The following LRFN5 variants were observed in gnomAD, a reference collection of about 807,000 sequenced individuals.
LRFN5 encodes leucine rich repeat and fibronectin type III domain containing 5, also known as leucine-rich repeat and fibronectin type-III domain-containing protein 5.
LRFN5 carries 24 observed loss-of-function variants against 45.6 expected under a neutral mutation model. That is an observed-to-expected ratio of 0.53 (90% CI 0.38 to 0.74). The LOEUF (loss-of-function observed/expected upper bound fraction) is 0.74. Ranked by LOEUF, LRFN5 falls within the 30% of genes least tolerant of loss-of-function variation. The pLI is 0.00. For missense variants in LRFN5, 776 were observed against 861.5 expected (o/e 0.90, Z 1.24); for synonymous variants, 340 against 313.8 (o/e 1.08, Z -0.88).
intron 1 of LRFN5, among the ~76,000 whole-genome samples, chr14:41,642,689 C>A (rs1879633464): frequency 6.6e-6 from 1 of 152,132 alleles, no homozygotes; most frequent in Non-Finnish European, 1.5e-5. Flanking sequence ...ATGAAGACTG[C>A]CAGCATGGAT....
intron 2 of LRFN5, among the ~76,000 whole-genome samples, chr14:41,883,967 T>G (rs1890477530): frequency 6.6e-6 from 1 of 152,180 alleles, no homozygotes; most frequent in African/African-American, 2.4e-5. Context: ...TCCCTTTCCT[T>G]TCATCCCTTT....
chr14:41,757,810 C>A (rs1885475530), intron 1 of LRFN5, among the ~76,000 whole-genome samples: 1 of 152,136 alleles, frequency 6.6e-6, no homozygotes, highest in Non-Finnish European at 1.5e-5. Context: ...CCCGGTACCT[C>A]AGTTGGAAAT....
chr14:41,752,357 T>C (rs1321940952), intron 1 of LRFN5, among the ~76,000 whole-genome samples: 1 of 152,184 alleles, frequency 6.6e-6, no homozygotes, highest in Non-Finnish European at 1.5e-5. Context: ...TCCACAATGG[T>C]TGAACTAGTT....
chr14:41,897,229 A>G (rs1368458518), intron 4 of LRFN5, among the ~76,000 whole-genome samples: 1 of 151,954 alleles, frequency 6.6e-6, no homozygotes, highest in East Asian at 1.9e-4. Flanking sequence ...ACAATTTATA[A>G]CCAGGAGTAT....
chr14:41,723,775 G>T (rs1883820690), intron 1 of LRFN5, among the ~76,000 whole-genome samples: 1 of 152,150 alleles, frequency 6.6e-6, no homozygotes. Flanking sequence ...AGTTCTGAGT[G>T]TGAAGGCCCC....
intron 2 of LRFN5, among the ~76,000 whole-genome samples, chr14:41,817,908 G>A (rs1330218982): frequency 6.6e-6 from 1 of 152,000 alleles, no homozygotes; most frequent in Admixed American, 6.6e-5. Context: ...TCTGAGGTTT[G>A]TGGGCTTGGT....
intron 2 of LRFN5, among the ~76,000 whole-genome samples, chr14:41,807,324 G>A (rs1422755271): frequency 6.6e-6 from 1 of 151,998 alleles, no homozygotes. Flanking sequence ...TTGAATAGGG[G>A]ACACATTAAA....
chr14:41,861,852 A>G (rs530328787), intron 2 of LRFN5, among the ~76,000 whole-genome samples: 14 of 152,316 alleles, frequency 9.2e-5, no homozygotes, highest in Admixed American at 5.2e-4. Context: ...CAGCCTAGAC[A>G]TTCCCCTCAT....
Position 41,891,365 on chromosome 14 carries a change from A to T in LRFN5, c.1501A>T (p.Arg501Ter). 1.9e-6 allele frequency: 3 copies of T among 1,614,088 alleles called. No individual in the cohort carries two copies. Among genetic ancestry groups the T allele is most frequent in the Non-Finnish European group, 2.5e-6 (3 of 1,180,014 alleles). The change falls in exon 4 of 6, where the codon AGA becomes TGA. Residue 501 changes from arginine to a stop codon, truncating the protein, a stop_gained. Coordinates refer to ENST00000298119, the MANE Select transcript of LRFN5 (RefSeq NM_152447.5). LOFTEE classifies it high-confidence loss of function. ...TGGCATCACTTCCCTCACTGCCACAAGAGTCGTGGGTTGCATCCAGTTTAC... is the reference window on the plus strand; with the variant it reads ...TGGCATCACTTCCCTCACTGCCACATGAGTCGTGGGTTGCATCCAGTTTAC... ...DDGITSLTATRVVGCIQFTTE... is the reference protein window; with the variant it reads ...DDGITSLTAT
intron 2 of LRFN5, among the ~76,000 whole-genome samples, chr14:41,863,946 T>C (rs1473862804): frequency 1.3e-5 from 2 of 152,124 alleles, no homozygotes; most frequent in African/African-American, 4.8e-5. Context: ...TGGCTTTCTG[T>C]TCCTGTGTTA....
chr14:41,855,531 A>G (rs1889421481), intron 2 of LRFN5, among the ~76,000 whole-genome samples: 1 of 152,134 alleles, frequency 6.6e-6, no homozygotes, highest in South Asian at 2.1e-4. Flanking sequence ...ATACAGTTGG[A>G]CAAGAATGTC....
At chr14:41,708,238 C>CATTTAAAA (rs1246012971) in intron 1 of LRFN5, among the ~76,000 whole-genome samples, 7 of 151,896 alleles carry the variant, frequency 4.6e-5, no homozygotes, top group African/African-American at 1.7e-4. Context: ...TTTAAACATA[C>CATTTAAAA]ATTTAAAATA....
At chr14:41,645,988 T>A (rs1879797521) in intron 1 of LRFN5, among the ~76,000 whole-genome samples, 1 of 152,188 alleles carries the variant, frequency 6.6e-6, no homozygotes, top group Non-Finnish European at 1.5e-5. Flanking sequence ...TTTTATTTCA[T>A]GTTTTAGTTG....
chr14:41,765,625 G>T (rs553568926), intron 1 of LRFN5, among the ~76,000 whole-genome samples: 1 of 152,144 alleles, frequency 6.6e-6, no homozygotes, highest in South Asian at 2.1e-4. Context: ...AACAATTGCT[G>T]TATCAACATG....
chr14:41,782,087 G>T (rs1357110672), intron 2 of LRFN5, among the ~76,000 whole-genome samples: 1 of 151,680 alleles, frequency 6.6e-6, no homozygotes, highest in East Asian at 1.9e-4. Flanking sequence ...AAAATTATTG[G>T]TTATTATTAT....
chr14:41,614,806 T>C (rs756391383), intron 1 of LRFN5, among the ~76,000 whole-genome samples: 14 of 152,094 alleles, frequency 9.2e-5, no homozygotes, highest in South Asian at 2.1e-4. Flanking sequence ...ATATAGTTCA[T>C]TAGGCACCTG....
chr14:41,667,833 TC>T (rs1880975511), intron 1 of LRFN5, among the ~76,000 whole-genome samples: 2 of 152,100 alleles, frequency 1.3e-5, no homozygotes, highest in Admixed American at 1.3e-4. Flanking sequence ...GAGCATGGCT[TC>T]TGACAGTTTA....
intron 2 of LRFN5, among the ~76,000 whole-genome samples, chr14:41,811,078 A>G (rs765381840): frequency 1.3e-5 from 2 of 152,162 alleles, no homozygotes; most frequent in African/African-American, 2.4e-5. Flanking sequence ...AATAATAAAA[A>G]GATAAATTTC....
chr14:41,748,584 G>A (rs1316495556), intron 1 of LRFN5, among the ~76,000 whole-genome samples: 1 of 151,918 alleles, frequency 6.6e-6, no homozygotes, highest in Non-Finnish European at 1.5e-5. Context: ...TGGTAATGAT[G>A]GTTGTGCAAC....
Sources: allele counts gnomAD v4.1 joint callset (sites outside exome capture counted in the v4.1 genomes callset), GRCh38; gene constraint gnomAD v4.1.1; transcripts MANE v1.5; gene names NCBI Gene and HGNC (gene_info 2026-07-23, HGNC 2026-07-21).